Variants in LMNB1 observed in about 807,000 individuals in gnomAD.
LMNB1 encodes lamin B1.
In LMNB1, 23 loss-of-function variants were observed where a neutral mutation model predicts 67.1. That is an observed-to-expected ratio of 0.34 (90% confidence interval 0.25 to 0.49). The LOEUF (loss-of-function observed/expected upper bound fraction) is 0.49. Among genes scored for constraint, LMNB1 ranks in the 20% least tolerant of loss-of-function variants. The probability of loss-of-function intolerance (pLI) is 0.99; values close to 1 mark genes in which losing one functional copy is unlikely to be tolerated. For missense variants in LMNB1, 634 were observed against 746.5 expected, an observed-to-expected ratio of 0.85 and a Z score of 1.76; for synonymous variants, 281 against 282.9, an observed-to-expected ratio of 0.99 and a Z score of 0.07.
chr5:126,790,317 G>A (rs1324270309), intron 1 of LMNB1, among the ~76,000 whole-genome samples: 1 of 151,940 alleles, frequency 6.6e-6, no homozygotes, highest in East Asian at 1.9e-4. Context: ...TGTTGGCCAG[G>A]CTGGTCTCGA....
intron 6 of LMNB1, among the ~76,000 whole-genome samples, chr5:126,820,442 C>T (rs1393362700): frequency 6.6e-6 from 1 of 152,124 alleles, no homozygotes; most frequent in African/African-American, 2.4e-5. Flanking sequence ...AAGAAGTTTA[C>T]ATTAGTTAAG....
At chr5:126,787,463 ACTT>A (rs1750821084) in intron 1 of LMNB1, among the ~76,000 whole-genome samples, 1 of 146,024 alleles carries the variant, frequency 6.8e-6, no homozygotes, top group East Asian at 2.0e-4. Context: ...TATAACATAT[ACTT>A]TATGTATATG....
At chr5:126,782,666 C>T (rs530325801) in intron 1 of LMNB1, among the ~76,000 whole-genome samples, 95 of 152,166 alleles carry the variant, frequency 6.2e-4, no homozygotes, top group African/African-American at 2.2e-3. Flanking sequence ...TCTTCTGCCT[C>T]AGCCTCCCAA....
chr5:126,809,539 T>A (rs976201984), intron 3 of LMNB1, among the ~76,000 whole-genome samples: 1 of 152,156 alleles, frequency 6.6e-6, no homozygotes, highest in East Asian at 1.9e-4. Context: ...ATACAAAAAT[T>A]AGCTGGGCAT....
At position 126,804,873 on chromosome 5, in the gene LMNB1, C is replaced by T. The variant is rs751381273; in HGVS notation, c.457C>T (p.Leu153Phe). Residue 153 changes from leucine (L) to phenylalanine (F), a missense_variant, in exon 2 of 11, where the codon CTT becomes TTT. Physicochemically the swap from Leu to Phe is conservative, Grantham distance 22 (BLOSUM62 0). Coordinates refer to ENST00000261366, the MANE Select transcript of LMNB1 (RefSeq NM_005573.4). ...GAAAGATGCAGCTCTTGCTACTGCA[C>T]TTGGTGACAAAAAAAGTTTAGAGGG... ...NSKDAALATA[L>F]GDKKSLEGDL... 3 of 1,613,910 alleles carry T rather than the reference C, an allele frequency of 1.9e-6. No homozygotes were observed.
At position 126,791,791 on chromosome 5, in the gene LMNB1, T is replaced by A. The variant is rs1442726097; in HGVS notation, c.360-12985T>A. Among the ~76,000 whole-genome samples the A allele has an allele frequency of 2.6e-5, 4 of 151,238 alleles. No homozygotes were observed. In the South Asian group the frequency reaches 6.3e-4, roughly 24 times the overall value. ...CTTTTTTATTCCCTTGATGTCTCTTTTTTTGTTTTTGAGACAGGGTCTTGC... is the reference window on the plus strand; with the variant it reads ...CTTTTTTATTCCCTTGATGTCTCTTATTTTGTTTTTGAGACAGGGTCTTGC... On this transcript the variant is annotated intron_variant, in intron 1 of 10. Transcript: ENST00000261366.
intron 1 of LMNB1, among the ~76,000 whole-genome samples, chr5:126,795,142 T>TTTTTTTTTTTTTA (rs1294032011): frequency 6.1e-4 from 92 of 150,710 alleles, no homozygotes; most frequent in Non-Finnish European, 1.2e-3. Flanking sequence ...TTTTTTTTTT[T>TTTTTTTTTTTTTA]TTTAAATAAG....
At chr5:126,779,373 C>T (rs1750565626) in intron 1 of LMNB1, among the ~76,000 whole-genome samples, 1 of 152,162 alleles carries the variant, frequency 6.6e-6, no homozygotes, top group Non-Finnish European at 1.5e-5. Flanking sequence ...ATTTCCCTTT[C>T]TTGGATTTAC....
chr5:126,808,493 T>G (rs1471809861), intron 3 of LMNB1, among the ~76,000 whole-genome samples: 1 of 127,164 alleles, frequency 7.9e-6, no homozygotes, highest in Non-Finnish European at 1.8e-5. Flanking sequence ...TGGCCTTAAC[T>G]TTTTTTTTTT....
chr5:126,800,946 C>T (rs1482163989), intron 1 of LMNB1, among the ~76,000 whole-genome samples: 1 of 85,746 alleles, frequency 1.2e-5, no homozygotes, highest in Non-Finnish European at 2.3e-5. Flanking sequence ...GCCATTGCAG[C>T]CAGACTATAT....
intron 1 of LMNB1, among the ~76,000 whole-genome samples, chr5:126,792,567 AT>A (rs752371260): frequency 0.014 from 1,363 of 99,138 alleles, 5 homozygotes; most frequent in East Asian, 0.058. Context: ...AGCACTAGGG[AT>A]TTTTTTTTTT....
At chr5:126,819,863 GGCCAGGTGCATT>G (rs547002498) in intron 6 of LMNB1, among the ~76,000 whole-genome samples, 252 of 152,224 alleles carry the variant, frequency 1.7e-3, no homozygotes, top group Middle Eastern at 6.8e-3. Flanking sequence ...GTTCCAAAAG[GGCCAGGTGCATT>G]GCCTCATGCC....
intron 3 of LMNB1, among the ~76,000 whole-genome samples, chr5:126,806,190 T>C (rs954594503): frequency 5.9e-5 from 9 of 152,218 alleles, no homozygotes; most frequent in Admixed American, 5.9e-4. Flanking sequence ...CCTGACCTCG[T>C]GATCCGCCCA....
At chr5:126,833,021 G>A (rs1157607861) in intron 10 of LMNB1, among the ~76,000 whole-genome samples, 7 of 152,084 alleles carry the variant, frequency 4.6e-5, no homozygotes, top group African/African-American at 1.7e-4. Flanking sequence ...ATTGTACCAA[G>A]TTTCAGTTTT....
At chr5:126,804,296 T>G (rs1561743930) in intron 1 of LMNB1, among the ~76,000 whole-genome samples, 1 of 149,526 alleles carries the variant, frequency 6.7e-6, no homozygotes, top group Non-Finnish European at 1.5e-5. Context: ...TAGGTTGGTC[T>G]TGAATTCCTG....
At position 126,821,055 on chromosome 5, in the gene LMNB1, G is replaced by A. The variant is rs757576125; in HGVS notation, c.1306G>A (p.Ala436Thr). 37 of 1,613,860 alleles carry A rather than the reference G, an allele frequency of 2.3e-5. No homozygotes were observed. The East Asian group carries it at 3.8e-4, about 17-fold the overall frequency. ...ASSSVSISHS[A>T]SATGNVCIEE... Reference sequence around the variant, plus strand: ...TAGTAGTGTTAGCATCTCTCATTCCGCCTCAGCCACTGGAAATGTTTGCAT... The same window carrying A: ...TAGTAGTGTTAGCATCTCTCATTCCACCTCAGCCACTGGAAATGTTTGCAT... The change falls in exon 7 of 11, where the codon GCC becomes ACC. Residue 436 changes from alanine to threonine, a missense_variant. Transcript: ENST00000261366.
intron 1 of LMNB1, among the ~76,000 whole-genome samples, chr5:126,797,470 A>G (rs1202764362): frequency 6.6e-6 from 1 of 152,226 alleles, no homozygotes; most frequent in Non-Finnish European, 1.5e-5. Flanking sequence ...AATGTATACT[A>G]ATATCTTAAG....
At chr5:126,819,295 T>C (rs1277915928) in intron 6 of LMNB1, 153 bp downstream of exon 6, 2 of 562,284 alleles carry the variant, frequency 3.6e-6, no homozygotes, top group Non-Finnish European at 6.3e-6. Flanking sequence ...AGATCATATT[T>C]CTACCTCATC....
intron 1 of LMNB1, among the ~76,000 whole-genome samples, chr5:126,781,040 G>A (rs767798148): frequency 6.6e-6 from 1 of 152,130 alleles, no homozygotes. Context: ...CACCTGTAAA[G>A]CACTTTGAGA....
Sources: gnomAD v4.1 joint callset for allele counts (sites outside exome capture counted in the v4.1 genomes callset) on GRCh38, gnomAD v4.1.1 for gene constraint, MANE v1.5 for transcripts, NCBI Gene and HGNC (gene_info 2026-07-23, HGNC 2026-07-21) for gene names.